The following ANO1 variants were observed in gnomAD, a reference collection of about 807,000 sequenced individuals.
The protein encoded by ANO1 is anoctamin-1.
ANO1 carries 59 observed loss-of-function variants against 124.0 expected under a neutral mutation model. The ratio of observed to expected loss-of-function variants is 0.48; its 90% CI spans 0.39 to 0.59. The LOEUF (loss-of-function observed/expected upper bound fraction) is 0.59, where lower values mean the gene tolerates loss of function less well. Among genes scored for constraint, ANO1 ranks in the 20% least tolerant of loss-of-function variants. The pLI, the probability that ANO1 is intolerant of heterozygous loss-of-function variation, is 0.00. For missense variants in ANO1, 1,059 were observed against 1,328.0 expected, an observed-to-expected ratio of 0.80 and a Z score of 3.15; for synonymous variants, 529 against 532.0, an observed-to-expected ratio of 0.99 and a Z score of 0.08.
chr11:70,163,219 G>T, intron 18 of ANO1, 64 bp from the exon 19 acceptor site: 1 of 1,560,046 alleles, frequency 6.4e-7, no homozygotes. Context: ...CCCCACTTGG[G>T]GGTCTCTCCC....
At chr11:70,157,591 C>T (rs543346173) in intron 16 of ANO1, among the ~76,000 whole-genome samples, 1 of 152,100 alleles carries the variant, frequency 6.6e-6, no homozygotes, top group African/African-American at 2.4e-5. Context: ...TCTGTGGTCC[C>T]TGATACACAG....
chr11:70,087,759 ACTC>A lies in ANO1; in HGVS notation c.119_121del (p.Ser40del), dbSNP rs764681520. 8.2e-6 allele frequency: 13 copies of A among 1,594,138 alleles called. No individual in the cohort carries two copies. In the South Asian group the frequency reaches 1.5e-4, roughly 18 times the overall value. ...CTTTTCTTCCACCCTTAGCTGCTGA[ACTC>A]CTTATCTGTGGACCCTGATGCCGAG... On this transcript the variant is annotated inframe_deletion, in exon 2 of 26. Transcript: ENST00000355303.
chr11:70,089,157 G>A (rs541723809), intron 2 of ANO1, among the ~76,000 whole-genome samples: 1 of 152,298 alleles, frequency 6.6e-6, no homozygotes, highest in African/African-American at 2.4e-5. Flanking sequence ...CCAGCCTACA[G>A]AGCCATCACT....
chr11:70,174,798 AC>A (rs1461905804), intron 22 of ANO1, among the ~76,000 whole-genome samples: 1 of 152,078 alleles, frequency 6.6e-6, no homozygotes, highest in African/African-American at 2.4e-5. Context: ...CCAAAAGGGG[AC>A]CCTGGGTCTG....
In ANO1 at chr11:70,104,031, G is replaced by A. The variant is rs754852641; in HGVS notation, c.573G>A (p.Leu191=). 6.2e-7 allele frequency: 1 copy of A among 1,612,200 alleles called. No individual in the cohort carries two copies. Among genetic ancestry groups the A allele is most frequent in the South Asian group, 1.1e-5 (1 of 90,640 alleles). The stretch of plus-strand genomic sequence containing the variant: ...ACATTAATGAGACCCGTGGCCTCCT[G>A]AAAAAAATCAACTCTGTGCTCCAGA... ...MYHINETRGL[L]KKINSVLQKI... is the part of the protein sequence containing the mutation. The change falls in exon 4 of 26, where the codon CTG becomes CTA. Residue 191 remains leucine (L), a synonymous_variant. Transcript: ENST00000355303.
chr11:70,161,203 A>AG lies in ANO1; in HGVS notation c.1622dup (p.Ile542AsnfsTer62). The AG allele has an allele frequency of 6.2e-7, 1 of 1,613,890 alleles. No homozygotes were observed. Among genetic ancestry groups the AG allele is most frequent in the Non-Finnish European group, 8.5e-7 (1 of 1,179,834 alleles). ...CATCGTCCTCGGCGTCATCATCTAC[A>AG]GAATCTCCATGGCCGCCGCCTTGGC... On this transcript the variant is annotated frameshift_variant, in exon 17 of 26. Coordinates refer to ENST00000355303, the MANE Select transcript of ANO1 (RefSeq NM_018043.7). LOFTEE classifies it high-confidence loss of function.
intron 22 of ANO1, among the ~76,000 whole-genome samples, chr11:70,177,469 C>T (rs2048748005): frequency 6.6e-6 from 1 of 152,216 alleles, no homozygotes; most frequent in Non-Finnish European, 1.5e-5. Flanking sequence ...GACAGCAGAG[C>T]TGCGGTGCAC....
intron 14 of ANO1, among the ~76,000 whole-genome samples, chr11:70,155,411 C>G (rs2047769964): frequency 6.6e-6 from 1 of 152,228 alleles, no homozygotes; most frequent in South Asian, 2.1e-4. Flanking sequence ...ACGGGCCGTA[C>G]CCTTTATTTC....
chr11:70,029,417 TA>T (rs1796543564), intron 1 of ANO1, among the ~76,000 whole-genome samples: 1 of 152,226 alleles, frequency 6.6e-6, no homozygotes, highest in East Asian at 1.9e-4. Flanking sequence ...GAGCCATTTG[TA>T]GGGGGTGTTT....
At chr11:70,142,419 G>A (rs1357056937) in intron 11 of ANO1, among the ~76,000 whole-genome samples, 1 of 152,158 alleles carries the variant, frequency 6.6e-6, no homozygotes, top group Non-Finnish European at 1.5e-5. Flanking sequence ...TTGTTCCAGG[G>A]ATAAATAGGT....
At chr11:70,034,108 G>A (rs552872154) in intron 1 of ANO1, among the ~76,000 whole-genome samples, 157 of 152,116 alleles carry the variant, frequency 1.0e-3, no homozygotes, top group African/African-American at 3.5e-3. Flanking sequence ...ATTTCATTGC[G>A]CATGGAGCCC....
At chr11:70,108,433 G>A (rs368436856) in intron 6 of ANO1, 29 bp downstream of exon 6, 7 of 1,607,534 alleles carry the variant, frequency 4.4e-6, no homozygotes, top group Non-Finnish European at 6.0e-6. Context: ...CTTGAGATCA[G>A]CATTGGTTTC....
chr11:69,990,117 G>T (rs1565155193), intron 1 of ANO1, among the ~76,000 whole-genome samples: 1 of 152,062 alleles, frequency 6.6e-6, no homozygotes, highest in Admixed American at 6.6e-5. Context: ...TAGGAATTCT[G>T]TATCCATTAA....
At chr11:70,033,394 G>A (rs539939896) in intron 1 of ANO1, among the ~76,000 whole-genome samples, 24 of 152,176 alleles carry the variant, frequency 1.6e-4, no homozygotes, top group Non-Finnish European at 3.1e-4. Context: ...CACTGAGTGC[G>A]TATCTGTTCC....
In ANO1 at chr11:70,155,993, T is replaced by A. The variant is rs539185345; in HGVS notation, c.1503+5T>A. 5.0e-5 allele frequency: 75 copies of A among 1,513,206 alleles called. No individual in the cohort carries two copies. The South Asian group carries it at 9.1e-4, about 18-fold the overall frequency. 93.7% of individuals were successfully genotyped at this position (1,513,206 alleles called of 1,614,324 possible). A position where few individuals can be genotyped will look rare whatever the true frequency, so the allele number is the denominator to read the frequency against. On this transcript the variant is annotated splice_donor_5th_base_variant and intron_variant, in intron 15 of 25. Transcript: ENST00000355303. ...GCCATGGCGGGGGTGAAATTGGTAC[T>A]TTTCTATTTTGCGGGCAGCGCGCGT...
At chr11:69,991,177 G>A (rs1299305175) in intron 1 of ANO1, among the ~76,000 whole-genome samples, 1 of 152,170 alleles carries the variant, frequency 6.6e-6, no homozygotes, top group Non-Finnish European at 1.5e-5. Context: ...TCCTCTGCAT[G>A]TGAATATCCA....
At chr11:70,147,390 C>G (rs534987981) in intron 11 of ANO1, among the ~76,000 whole-genome samples, 1 of 152,312 alleles carries the variant, frequency 6.6e-6, no homozygotes, top group Admixed American at 6.5e-5. Flanking sequence ...CCGTCTGCCT[C>G]CTGAGGGTCA....
rs140024163 is a variant in ANO1, at chr11:70,176,669, T to G, written c.2351-3335T>G. Among the ~76,000 whole-genome samples, 20 of 152,250 alleles carry G rather than the reference T, an allele frequency of 1.3e-4. No individual in the cohort carries two copies. In the East Asian group the frequency reaches 3.7e-3, roughly 28 times the overall value. ...TTGAATTCCAAAAGGGAGGAGGGCA[T>G]GAGGAGGCCTGTCCGACCCTCCTCC... On this transcript the variant is annotated intron_variant, in intron 22 of 25. Transcript: ENST00000355303.
At chr11:70,106,639 C>T (rs967739562) in intron 5 of ANO1, among the ~76,000 whole-genome samples, 1 of 152,198 alleles carries the variant, frequency 6.6e-6, no homozygotes, top group Non-Finnish European at 1.5e-5. Flanking sequence ...CCCTGGAGGC[C>T]AGTTTCTAAA....
Sources: allele counts gnomAD v4.1 joint callset (sites outside exome capture counted in the v4.1 genomes callset), GRCh38; gene constraint gnomAD v4.1.1; transcripts MANE v1.5; gene names NCBI Gene and HGNC (gene_info 2026-07-23, HGNC 2026-07-21).